HMGCLL1: variants seen among roughly 807,000 people sequenced by gnomAD.
HMGCLL1 encodes 3-hydroxy-3-methylglutaryl-CoA lyase like 1, also known as 3-hydroxymethyl-3-methylglutaryl-CoA lyase, cytoplasmic.
Under a neutral mutation model 39.1 loss-of-function variants are expected in HMGCLL1, and 36 were observed. That is an observed-to-expected ratio of 0.92 (90% CI 0.71 to 1.22). The LOEUF (loss-of-function observed/expected upper bound fraction) is 1.22, where lower values mean the gene tolerates loss of function less well. Ranked by LOEUF, HMGCLL1 falls within the 50% of genes most tolerant of loss-of-function variation. The pLI is 0.00. For missense variants in HMGCLL1, 451 were observed against 416.5 expected (o/e 1.08, Z -0.72); for synonymous variants, 149 against 144.0 (o/e 1.03, Z -0.25).
At chr6:55,569,492 T>C (rs1771369198) in intron 1 of HMGCLL1, among the ~76,000 whole-genome samples, 1 of 152,168 alleles carries the variant, frequency 6.6e-6, no homozygotes, top group South Asian at 2.1e-4. Flanking sequence ...ATGGCAAAAA[T>C]TGCAGGCTTT....
At chr6:55,579,586 A>G (rs904743754), upstream of HMGCLL1, among the ~76,000 whole-genome samples, 1 of 152,182 alleles carries the variant, frequency 6.6e-6, no homozygotes, top group Admixed American at 6.5e-5. Context: ...CTATTTAAAA[A>G]TGTTTTTGAG....
intron 3 of HMGCLL1, among the ~76,000 whole-genome samples, chr6:55,533,464 A>G (rs1768807676): frequency 6.6e-6 from 1 of 152,196 alleles, no homozygotes; most frequent in African/African-American, 2.4e-5. Context: ...TCATTTCTAG[A>G]GTACATTGAT....
intron 7 of HMGCLL1, among the ~76,000 whole-genome samples, chr6:55,493,925 CG>C (rs1561915974): frequency 6.6e-6 from 1 of 151,678 alleles, no homozygotes. Flanking sequence ...TTAGTAGAGA[CG>C]GGGGTTCTCC....
At chr6:55,456,919 T>C (rs576888049) in intron 7 of HMGCLL1, among the ~76,000 whole-genome samples, 2 of 152,342 alleles carry the variant, frequency 1.3e-5, no homozygotes, top group Admixed American at 1.3e-4. Flanking sequence ...AGCAACTCAG[T>C]TGGTGAGCAA....
chr6:55,504,565 G>T (rs925072660), intron 5 of HMGCLL1, among the ~76,000 whole-genome samples: 2 of 151,344 alleles, frequency 1.3e-5, no homozygotes, highest in Non-Finnish European at 1.5e-5. Context: ...GTGTTTGTGG[G>T]GAATTCTCCC....
the HMGCLL1 span, among the ~76,000 whole-genome samples, chr6:55,658,028 A>G: frequency 6.6e-6 from 1 of 151,942 alleles, no homozygotes; most frequent in Non-Finnish European, 1.5e-5. Context: ...TACTTATTTA[A>G]CAAGCCTGCA....
chr6:55,579,162 G>A lies in HMGCLL1; in HGVS notation c.-107C>T, dbSNP rs1771921579. On this transcript the variant is annotated 5_prime_UTR_variant, in exon 1 of 9. Transcript: ENST00000274901. ...CAGCTCGGGAGCGCGCCCCTCCGGTGCACTGGCTGTGAGGACCAGAGCTGT... is the reference window on the plus strand; with the variant it reads ...CAGCTCGGGAGCGCGCCCCTCCGGTACACTGGCTGTGAGGACCAGAGCTGT... 4.6e-5 allele frequency: 38 copies of A among 827,960 alleles called. 3 individuals carry two copies. In the South Asian group the frequency reaches 5.4e-4, roughly 12 times the overall value. The allele number at this position is 827,960 out of a possible 1,614,324, so 51.3% of individuals were successfully genotyped here. A position where few individuals can be genotyped will look rare whatever the true frequency, so the allele number is the denominator to read the frequency against.
At chr6:55,439,370 A>T (rs959913735) in intron 8 of HMGCLL1, 64 bp downstream of exon 8, 1 of 1,518,934 alleles carries the variant, frequency 6.6e-7, no homozygotes, top group African/African-American at 1.4e-5. Flanking sequence ...CCCACATCTT[A>T]GAAGCTTTGC....
the HMGCLL1 span, among the ~76,000 whole-genome samples, chr6:55,650,122 TATATATATATATACAC>T: frequency 6.4e-5 from 5 of 78,646 alleles, no homozygotes; most frequent in African/African-American, 2.3e-4. Flanking sequence ...TATATATATA[TATATATATATATACAC>T]ACACACACAC....
At chr6:55,646,874 A>T in the HMGCLL1 span, among the ~76,000 whole-genome samples, 3 of 152,006 alleles carry the variant, frequency 2.0e-5, no homozygotes, top group African/African-American at 4.8e-5. Context: ...TATTGGATGA[A>T]ATGTTCTGAT....
intron 5 of HMGCLL1, chr6:55,512,310 C>A (rs984560692): frequency 2.6e-5 from 4 of 152,076 alleles, no homozygotes; most frequent in African/African-American, 9.7e-5. Flanking sequence ...ACACTTTAAA[C>A]ACATATTGAA....
chr6:55,623,137 A>AT, the HMGCLL1 span, among the ~76,000 whole-genome samples: 2 of 151,124 alleles, frequency 1.3e-5, no homozygotes, highest in Non-Finnish European at 3.0e-5. Context: ...TGATTCCTCC[A>AT]TTTTTTTCTT....
chr6:55,490,633 A>G (rs1766261160), intron 7 of HMGCLL1, among the ~76,000 whole-genome samples: 1 of 152,108 alleles, frequency 6.6e-6, no homozygotes, highest in Admixed American at 6.6e-5. Context: ...TTAGCTTATT[A>G]CAGTAGAATC....
chr6:55,468,950 T>A (rs1209196180), intron 7 of HMGCLL1, among the ~76,000 whole-genome samples: 3 of 151,584 alleles, frequency 2.0e-5, no homozygotes, highest in Non-Finnish European at 4.4e-5. Flanking sequence ...AAAATATGTT[T>A]GGAGGTAGGG....
the HMGCLL1 span, among the ~76,000 whole-genome samples, chr6:55,652,613 C>T: frequency 2.0e-5 from 3 of 152,056 alleles, no homozygotes; most frequent in African/African-American, 7.2e-5. Context: ...GATAATTAGA[C>T]TTGTCAGTGA....
At chr6:55,660,401 T>G in the HMGCLL1 span, among the ~76,000 whole-genome samples, 205 of 151,878 alleles carry the variant, frequency 1.3e-3, 1 homozygote, top group East Asian at 8.0e-3. Flanking sequence ...CTGGTGTCTA[T>G]TTTTCCCCTC....
rs1276454233 is a variant in HMGCLL1, at chr6:55,436,951, C to T, written c.922-1188G>A. ...GGCTTTACGTGGAGTATCTGTTTAA[C>T]ATCCTTAATCCAATGATACTTAAAT... On this transcript the variant is annotated intron_variant, in intron 8 of 8. Coordinates refer to ENST00000274901, the MANE Select transcript of HMGCLL1 (RefSeq NM_001042406.2). Among the ~76,000 whole-genome samples the T allele has an allele frequency of 7.9e-5, 12 of 151,974 alleles. No homozygotes were observed. The East Asian group carries it at 2.3e-3, about 29-fold the overall frequency.
At chr6:55,450,145 T>C (rs1370438689) in intron 7 of HMGCLL1, among the ~76,000 whole-genome samples, 3 of 152,202 alleles carry the variant, frequency 2.0e-5, no homozygotes, top group East Asian at 3.9e-4. Flanking sequence ...GGAAGTTCAA[T>C]GTCACAAGCC....
rs1466908578 is a variant in HMGCLL1 at position 55,478,337 on chromosome 6, G to T, written c.795+17082C>A. Among the ~76,000 whole-genome samples the T allele has an allele frequency of 4.0e-5, 6 of 151,028 alleles. 1 individual carries two copies. Among genetic ancestry groups the T allele is most frequent in the African/African-American group, 1.5e-4 (6 of 40,804 alleles). ...CTACCGAAAATCAATAAAGGCTTTCGAACAGAATTTGGTAAGAAATGTATC... is the reference window on the plus strand; with the variant it reads ...CTACCGAAAATCAATAAAGGCTTTCTAACAGAATTTGGTAAGAAATGTATC... On this transcript the variant is annotated intron_variant, in intron 7 of 8. Transcript: ENST00000274901.
Sources: allele counts gnomAD v4.1 joint callset (sites outside exome capture counted in the v4.1 genomes callset), GRCh38; gene constraint gnomAD v4.1.1; transcripts MANE v1.5; gene names NCBI Gene and HGNC (gene_info 2026-07-23, HGNC 2026-07-21).